Variants in SLC25A31 observed in about 807,000 individuals in gnomAD.
The protein encoded by SLC25A31 is ADP/ATP translocase 4.
A neutral mutation model predicts 36.2 loss-of-function variants in SLC25A31; 40 were observed. The ratio of observed to expected loss-of-function variants is 1.10; its 90% CI spans 0.86 to 1.44. SLC25A31 has a LOEUF of 1.44. Among genes scored for constraint, SLC25A31 ranks in the 40% most tolerant of loss-of-function variants. The pLI is 0.00. For missense variants in SLC25A31, 350 were observed against 397.1 expected, an observed-to-expected ratio of 0.88 and a Z score of 1.01; for synonymous variants, 143 against 149.7, an observed-to-expected ratio of 0.96 and a Z score of 0.32.
chr4:127,731,024 C>T (rs1487953042), intron 1 of SLC25A31, among the ~76,000 whole-genome samples: 6 of 152,214 alleles, frequency 3.9e-5, no homozygotes, highest in African/African-American at 1.4e-4. Context: ...TTCTCTAAAT[C>T]TGCAGTGCGA....
At chr4:127,761,425 A>G (rs1732126623) in intron 2 of SLC25A31, among the ~76,000 whole-genome samples, 1 of 152,212 alleles carries the variant, frequency 6.6e-6, no homozygotes, top group Non-Finnish European at 1.5e-5. Context: ...AGATTACCTC[A>G]GGAAAAAGAT....
At chr4:127,731,371 C>G (rs1731522257) in intron 1 of SLC25A31, among the ~76,000 whole-genome samples, 1 of 149,904 alleles carries the variant, frequency 6.7e-6, no homozygotes, top group Non-Finnish European at 1.5e-5. Flanking sequence ...CAAGGGGGCC[C>G]TAAAAAAAAA....
At chr4:127,764,741 C>A (rs1485977374) in intron 3 of SLC25A31, among the ~76,000 whole-genome samples, 1 of 152,134 alleles carries the variant, frequency 6.6e-6, no homozygotes, top group Non-Finnish European at 1.5e-5. Flanking sequence ...TTAAATATCA[C>A]ATCTTCCCTT....
chr4:127,733,446 G>T (rs891326722), intron 1 of SLC25A31, among the ~76,000 whole-genome samples: 2 of 152,122 alleles, frequency 1.3e-5, no homozygotes, highest in African/African-American at 4.8e-5. Flanking sequence ...GGAGAATTTT[G>T]GATTTTTGGA....
chr4:127,738,913 T>A (rs1039951715), intron 1 of SLC25A31, among the ~76,000 whole-genome samples: 1 of 152,206 alleles, frequency 6.6e-6, no homozygotes, highest in African/African-American at 2.4e-5. Flanking sequence ...ATATCTCATA[T>A]AAGAATAATG....
intron 2 of SLC25A31, among the ~76,000 whole-genome samples, chr4:127,745,366 C>T (rs535358386): frequency 2.3e-4 from 35 of 151,410 alleles, no homozygotes; most frequent in Non-Finnish European, 3.2e-4. Context: ...TCAAAATTTC[C>T]TACTCATATA....
At chr4:127,752,028 A>G (rs1578663133) in intron 2 of SLC25A31, among the ~76,000 whole-genome samples, 1 of 152,226 alleles carries the variant, frequency 6.6e-6, no homozygotes, top group South Asian at 2.1e-4. Flanking sequence ...TCAAGGATCT[A>G]GAACTAGAAA....
intron 1 of SLC25A31, 142 bp downstream of exon 1, chr4:127,730,919 C>G: frequency 1.2e-6 from 1 of 847,974 alleles, no homozygotes; most frequent in Non-Finnish European, 1.8e-6. Context: ...TCTTACCCTT[C>G]CAGAATTTAG....
chr4:127,751,232 C>T (rs1731925250), intron 2 of SLC25A31, among the ~76,000 whole-genome samples: 1 of 152,058 alleles, frequency 6.6e-6, no homozygotes, highest in Admixed American at 6.6e-5. Flanking sequence ...GAGATATAGA[C>T]CAGTGGAACA....
intron 5 of SLC25A31, among the ~76,000 whole-genome samples, chr4:127,769,883 G>A (rs1031161539): frequency 8.5e-5 from 13 of 152,180 alleles, no homozygotes; most frequent in African/African-American, 3.1e-4. Flanking sequence ...AGTAGTTCAG[G>A]ATAGCCAGGT....
At chr4:127,758,261 T>G (rs1732066762) in intron 2 of SLC25A31, among the ~76,000 whole-genome samples, 1 of 152,202 alleles carries the variant, frequency 6.6e-6, no homozygotes, top group Non-Finnish European at 1.5e-5. Context: ...TTTCATATGT[T>G]TGTTGGCCAG....
chr4:127,767,007 A>G, intron 3 of SLC25A31, 59 bp from the exon 4 acceptor site: 1 of 1,393,206 alleles, frequency 7.2e-7, no homozygotes, highest in Non-Finnish European at 9.5e-7. Flanking sequence ...GTTTATTTTG[A>G]TTAAAGTGTT....
intron 2 of SLC25A31, among the ~76,000 whole-genome samples, chr4:127,760,592 C>T (rs1560638204): frequency 6.6e-6 from 1 of 152,210 alleles, no homozygotes; most frequent in Non-Finnish European, 1.5e-5. Flanking sequence ...TTGTTATAAA[C>T]AACTTTGGTC....
In SLC25A31 at chr4:127,730,579, A is replaced by C. The variant is rs373577281; in HGVS notation, c.34A>C (p.Lys12Gln). The C allele has an allele frequency of 3.1e-6, 5 of 1,614,020 alleles. No homozygotes were observed. The highest frequency in any genetic ancestry group is 2.5e-6 in the Non-Finnish European group (3 of 1,179,870). Residue 12 changes from lysine (K) to glutamine (Q), a missense_variant, in exon 1 of 6, where the codon AAG (lysine) becomes CAG (glutamine). Transcript: ENST00000281154. ...TGAGCCTGCGAAAAAGAAGGCAGAA[A>C]AGCGGCTGTTTGACGCCTCATCCTT... Reference protein sequence around the residue: ...HREPAKKKAEKRLFDASSFGK... With the variant: ...HREPAKKKAEQRLFDASSFGK...
chr4:127,747,625 T>C (rs1731848537), intron 2 of SLC25A31, among the ~76,000 whole-genome samples: 1 of 152,198 alleles, frequency 6.6e-6, no homozygotes, highest in South Asian at 2.1e-4. Flanking sequence ...ATAATACCTA[T>C]CTCGTAGTTT....
chr4:127,754,969 A>G (rs1732002342), intron 2 of SLC25A31, among the ~76,000 whole-genome samples: 1 of 152,230 alleles, frequency 6.6e-6, no homozygotes, highest in African/African-American at 2.4e-5. Flanking sequence ...ATGACAGGAC[A>G]GAAAGCCCAG....
At chr4:127,764,759 A>G (rs1428420641) in intron 3 of SLC25A31, among the ~76,000 whole-genome samples, 1 of 151,936 alleles carries the variant, frequency 6.6e-6, no homozygotes, top group Non-Finnish European at 1.5e-5. Context: ...CTTTTTTGTT[A>G]TTACACCCTT....
intron 2 of SLC25A31, among the ~76,000 whole-genome samples, chr4:127,755,056 C>T (rs568276030): frequency 5.3e-5 from 8 of 152,260 alleles, no homozygotes; most frequent in African/African-American, 1.7e-4. Context: ...AGGACAGTCT[C>T]TTCAATAAGT....
chr4:127,741,524 A>C (rs968685703), intron 1 of SLC25A31, among the ~76,000 whole-genome samples: 2 of 152,250 alleles, frequency 1.3e-5, no homozygotes, highest in African/African-American at 4.8e-5. Context: ...ACATTTACCC[A>C]TTTGTGCATG....
Sources: gnomAD v4.1 joint callset for allele counts (sites outside exome capture counted in the v4.1 genomes callset) on GRCh38, gnomAD v4.1.1 for gene constraint, MANE v1.5 for transcripts, NCBI Gene and HGNC (gene_info 2026-07-23, HGNC 2026-07-21) for gene names.